Variants in USP34 observed in about 807,000 individuals in gnomAD.
The protein encoded by USP34 is ubiquitin specific peptidase 34.
Under a neutral mutation model 460.3 loss-of-function variants are expected in USP34, and 70 were observed. The observed-to-expected ratio is 0.15, with a 90% confidence interval of 0.13 to 0.19. USP34 has a LOEUF of 0.19. USP34 is among the 10% of genes least tolerant of loss of function. The pLI, the probability that USP34 is intolerant of heterozygous loss-of-function variation, is 1.00. For missense variants in USP34, 3,985 were observed against 4,236.2 expected (o/e 0.94, Z 1.65); for synonymous variants, 1,647 against 1,405.3 (o/e 1.17, Z -3.85).
chr2:61,285,952 A>C (rs919474638), intron 34 of USP34, among the ~76,000 whole-genome samples: 1 of 152,180 alleles, frequency 6.6e-6, no homozygotes, highest in Non-Finnish European at 1.5e-5. Flanking sequence ...TTCTGTGCAC[A>C]TACTTCCTAA....
rs1686513332 is a variant in USP34, at chr2:61,188,393, A to G, written c.10350T>C (p.Phe3450=). 1.2e-6 allele frequency: 2 copies of G among 1,614,184 alleles called. No individual in the cohort carries two copies. The highest frequency in any genetic ancestry group is 1.7e-6 in the Non-Finnish European group (2 of 1,180,040). The change falls in exon 80 of 80, where the codon TTT becomes TTC. Residue 3450 remains phenylalanine, a synonymous_variant. Transcript: ENST00000398571. ...NNGRYDDCKE[F]KDLHCSKDST... ...AATCCTTGGAACAGTGGAGGTCTTT[A>G]AATTCTTTACAATCGTCATATCTAC... is the stretch of plus-strand genomic sequence containing the variant.
At chr2:61,323,821 AT>A (rs1255888077) in intron 21 of USP34, among the ~76,000 whole-genome samples, 1 of 152,162 alleles carries the variant, frequency 6.6e-6, no homozygotes, top group Non-Finnish European at 1.5e-5. Context: ...TATTTTACTT[AT>A]TTCTTGAATG....
At chr2:61,221,777 C>A in intron 65 of USP34, 171 bp from the exon 66 acceptor site, 1 of 517,544 alleles carries the variant, frequency 1.9e-6, no homozygotes, top group Non-Finnish European at 3.2e-6. Flanking sequence ...GCAGGATCAG[C>A]GAGGGGTACA....
intron 20 of USP34, among the ~76,000 whole-genome samples, chr2:61,329,630 GATTGGT>G (rs1271490768): frequency 2.0e-5 from 3 of 152,130 alleles, no homozygotes; most frequent in African/African-American, 7.2e-5. Context: ...AAGCTGAAGA[GATTGGT>G]ATTTTATTTT....
chr2:61,374,959 T>C (rs190214002), intron 8 of USP34, among the ~76,000 whole-genome samples: 13 of 152,226 alleles, frequency 8.5e-5, no homozygotes, highest in Admixed American at 1.3e-4. Flanking sequence ...TTTGACCTAA[T>C]AGACATCTAT....
intron 29 of USP34, among the ~76,000 whole-genome samples, chr2:61,300,337 C>A (rs965064501): frequency 1.3e-5 from 2 of 151,924 alleles, no homozygotes; most frequent in Admixed American, 1.3e-4. Flanking sequence ...AGCTAGCACA[C>A]GGCACCATGC....
intron 7 of USP34, 136 bp downstream of exon 7, chr2:61,380,033 G>A: frequency 1.6e-6 from 1 of 628,908 alleles, no homozygotes; most frequent in Non-Finnish European, 2.5e-6. Flanking sequence ...AATTATTTGT[G>A]AAGACCATAT....
chr2:61,211,722 T>C, intron 69 of USP34, 50 bp downstream of exon 69: 1 of 1,492,640 alleles, frequency 6.7e-7, no homozygotes, highest in Non-Finnish European at 8.9e-7. Flanking sequence ...AAAAGGATGG[T>C]CCTCATCTCA....
chr2:61,433,595 C>G (rs754359764), intron 1 of USP34, among the ~76,000 whole-genome samples: 2 of 152,116 alleles, frequency 1.3e-5, no homozygotes, highest in Non-Finnish European at 2.9e-5. Context: ...GATCGTGCCA[C>G]TGCACTCCAG....
chr2:61,357,572 G>A (rs920924702), intron 10 of USP34, among the ~76,000 whole-genome samples: 3 of 152,128 alleles, frequency 2.0e-5, no homozygotes, highest in Admixed American at 1.3e-4. Context: ...GGAAGAAAAT[G>A]ATTAGAGATA....
chr2:61,372,229 TA>T (rs1011383875), intron 8 of USP34, among the ~76,000 whole-genome samples: 39 of 151,390 alleles, frequency 2.6e-4, no homozygotes, highest in African/African-American at 6.5e-4. Context: ...TTTTATTTAT[TA>T]AAAAAAAACC....
chr2:61,398,236 G>A (rs1693597565), intron 3 of USP34, among the ~76,000 whole-genome samples: 1 of 151,978 alleles, frequency 6.6e-6, no homozygotes, highest in Non-Finnish European at 1.5e-5. Flanking sequence ...GCATGGTGGT[G>A]CGTGTCTGTT....
chr2:61,325,898 C>A (rs1239035339), intron 20 of USP34, among the ~76,000 whole-genome samples: 1 of 152,126 alleles, frequency 6.6e-6, no homozygotes, highest in African/African-American at 2.4e-5. Context: ...AAATCTAGTT[C>A]ATGAAAAGTA....
chr2:61,295,092 G>A lies in USP34; in HGVS notation c.4378-60C>T, dbSNP rs999409504. 2.5e-6 allele frequency: 4 copies of A among 1,599,730 alleles called. No individual in the cohort carries two copies. In the East Asian group the frequency reaches 6.7e-5, roughly 27 times the overall value. ...CGGAAGAAAGAATTATTATAGAATG[G>A]AAAAGACAATACATTATAGAATTTT... is the stretch of plus-strand genomic sequence containing the variant. On this transcript the variant is annotated intron_variant, in intron 31 of 79. Transcript: ENST00000398571.
chr2:61,254,617 G>C (rs1035866532), intron 48 of USP34, among the ~76,000 whole-genome samples: 2 of 152,134 alleles, frequency 1.3e-5, no homozygotes, highest in East Asian at 3.8e-4. Context: ...AAATTAAAAT[G>C]TTTACTCAAC....
At chr2:61,303,638 C>T (rs1349648871) in intron 27 of USP34, among the ~76,000 whole-genome samples, 1 of 151,932 alleles carries the variant, frequency 6.6e-6, no homozygotes, top group Non-Finnish European at 1.5e-5. Context: ...GCTCTGTCGC[C>T]CACGCTGGAG....
chr2:61,398,791 G>A (rs998360501), intron 3 of USP34, among the ~76,000 whole-genome samples: 1 of 152,058 alleles, frequency 6.6e-6, no homozygotes, highest in African/African-American at 2.4e-5. Context: ...CAATCATACA[G>A]AACTCAGAAC....
intron 75 of USP34, among the ~76,000 whole-genome samples, chr2:61,196,698 G>T (rs555465911): frequency 1.3e-5 from 2 of 152,052 alleles, no homozygotes; most frequent in East Asian, 3.9e-4. Context: ...ATGCCCAGCT[G>T]ATTTTTCTAT....
chr2:61,298,473 G>GC (rs1690107809), intron 29 of USP34, among the ~76,000 whole-genome samples: 1 of 139,810 alleles, frequency 7.2e-6, no homozygotes, highest in East Asian at 2.1e-4. Flanking sequence ...GGGAGGCGGA[G>GC]GTTGCAGTGA....
Sources: gnomAD v4.1 joint callset for allele counts (sites outside exome capture counted in the v4.1 genomes callset) on GRCh38, gnomAD v4.1.1 for gene constraint, MANE v1.5 for transcripts, NCBI Gene and HGNC (gene_info 2026-07-23, HGNC 2026-07-21) for gene names.